BAIAP2L1: variants seen among roughly 807,000 people sequenced by gnomAD.
The protein encoded by BAIAP2L1 is BAR/IMD domain containing adaptor protein 2 like 1, also known as BAR/IMD domain-containing adapter protein 2-like 1.
Under a neutral mutation model 66.3 loss-of-function variants are expected in BAIAP2L1, and 35 were observed. The ratio of observed to expected loss-of-function variants is 0.53; its 90% CI spans 0.40 to 0.70. The LOEUF (loss-of-function observed/expected upper bound fraction) is 0.70. Ranked by LOEUF, BAIAP2L1 falls within the 30% of genes least tolerant of loss-of-function variation. The probability of loss-of-function intolerance (pLI) is 0.00; values close to 1 mark genes in which losing one functional copy is unlikely to be tolerated. For synonymous variants in BAIAP2L1, 269 were observed against 248.7 expected (o/e 1.08, Z -0.77); for missense variants, 622 against 656.9 (o/e 0.95, Z 0.58).
chr7:98,312,801 G>A (rs2116879783), intron 7 of BAIAP2L1, among the ~76,000 whole-genome samples: 1 of 152,296 alleles, frequency 6.6e-6, no homozygotes, highest in Non-Finnish European at 1.5e-5. Context: ...CCCACCACAG[G>A]CCAAACAAGG....
intron 1 of BAIAP2L1, among the ~76,000 whole-genome samples, chr7:98,394,303 T>C (rs186822439): frequency 1.6e-3 from 248 of 152,158 alleles, no homozygotes; most frequent in African/African-American, 5.5e-3. Flanking sequence ...CTTTCATGCA[T>C]GCAGTTATGA....
At position 98,373,332 on chromosome 7, in the gene BAIAP2L1, T is replaced by C. The variant is rs561972781; in HGVS notation, c.52-10900A>G. ...TAGATCAGAAATACTCATTGAAATA[T>C]ATAAACCCACAAAAATGCTTTTTGT... is the stretch of plus-strand genomic sequence containing the variant. On this transcript the variant is annotated intron_variant, in intron 1 of 13. Transcript: ENST00000005260. Among the ~76,000 whole-genome samples the C allele has an allele frequency of 3.3e-5, 5 of 152,362 alleles. No homozygotes were observed. In the South Asian group the frequency reaches 1.0e-3, roughly 32 times the overall value.
intron 12 of BAIAP2L1, among the ~76,000 whole-genome samples, chr7:98,299,259 T>TCCA (rs1800320504): frequency 6.6e-6 from 1 of 152,056 alleles, no homozygotes; most frequent in Non-Finnish European, 1.5e-5. Context: ...CATCAGGTGA[T>TCCA]CCACCTGCCT....
At chr7:98,387,218 C>T (rs1635613) in intron 1 of BAIAP2L1, among the ~76,000 whole-genome samples, 18,108 of 152,084 alleles carry the variant, frequency 0.12, 1,337 homozygotes, top group South Asian at 0.23. Context: ...AGAGGGGCTG[C>T]GGCTACTAGA....
chr7:98,296,808 C>T (rs912338788), intron 12 of BAIAP2L1, among the ~76,000 whole-genome samples: 2 of 152,220 alleles, frequency 1.3e-5, no homozygotes, highest in African/African-American at 4.8e-5. Context: ...CAAAGGAGAC[C>T]CACGAGGGCA....
At chr7:98,332,582 G>A (rs971616771) in intron 3 of BAIAP2L1, among the ~76,000 whole-genome samples, 1 of 151,152 alleles carries the variant, frequency 6.6e-6, no homozygotes, top group Admixed American at 6.6e-5. Context: ...GGCCAAGGCA[G>A]GCGAATCACA....
intron 1 of BAIAP2L1, among the ~76,000 whole-genome samples, chr7:98,398,447 T>A (rs1803270255): frequency 1.3e-5 from 2 of 151,448 alleles, no homozygotes; most frequent in Non-Finnish European, 2.9e-5. Context: ...TGTAGTCTGA[T>A]GCTGTAAATA....
chr7:98,351,447 C>T (rs985470877), intron 3 of BAIAP2L1, among the ~76,000 whole-genome samples: 3 of 152,156 alleles, frequency 2.0e-5, no homozygotes, highest in African/African-American at 7.2e-5. Flanking sequence ...TTGCTAGCAG[C>T]TGGGTCCTGG....
At chr7:98,382,164 C>T (rs1210918208) in intron 1 of BAIAP2L1, among the ~76,000 whole-genome samples, 3 of 152,006 alleles carry the variant, frequency 2.0e-5, no homozygotes, top group Admixed American at 6.6e-5. Flanking sequence ...CCTCGTGATC[C>T]GCCTGCCTCA....
At position 98,355,226 on chromosome 7, in the gene BAIAP2L1, G is replaced by C. The variant is rs537922021; in HGVS notation, c.128-98C>G. ...AAACACCCCCTGGTCCCTTCTGGCT[G>C]CAGGAAGGTTTGGGCTGTGGCAGGT... On this transcript the variant is annotated intron_variant, in intron 2 of 13. Transcript: ENST00000005260. 2,204 of 857,444 alleles carry C rather than the reference G, an allele frequency of 2.6e-3. 7 individuals carry two copies. The highest frequency in any genetic ancestry group is 6.9e-3 in the South Asian group (477 of 69,106). The allele number at this position is 857,444 out of a possible 1,614,324, so 53.1% of individuals were successfully genotyped here. A position where few individuals can be genotyped will look rare whatever the true frequency, so the allele number is the denominator to read the frequency against.
chr7:98,319,165 C>G (rs1356455813), intron 5 of BAIAP2L1, among the ~76,000 whole-genome samples: 1 of 152,032 alleles, frequency 6.6e-6, no homozygotes, highest in Non-Finnish European at 1.5e-5. Flanking sequence ...ACATGGGGGT[C>G]TGGGTGAGCA....
chr7:98,340,080 CTG>C (rs1801705378), intron 3 of BAIAP2L1, among the ~76,000 whole-genome samples: 1 of 152,112 alleles, frequency 6.6e-6, no homozygotes, highest in South Asian at 2.1e-4. Flanking sequence ...ATTTGAGTAA[CTG>C]TGAAAACTGG....
chr7:98,293,595 C>T lies in BAIAP2L1; in HGVS notation c.1462G>A (p.Gly488Arg), dbSNP rs748855987. The T allele has an allele frequency of 9.0e-5, 145 of 1,613,338 alleles. No homozygotes were observed. Among genetic ancestry groups the T allele is most frequent in the Non-Finnish European group, 1.1e-4 (132 of 1,179,382 alleles). The change falls in exon 14 of 14, where the codon GGA becomes AGA. Residue 488 changes from glycine (G) to arginine (R), a missense_variant and splice_region_variant. By Grantham distance (125) the Gly-to-Arg change is moderately radical. Transcript: ENST00000005260. ...TTCACAGTGGCAAAGGGGTTTTCTC[C>T]GCTGCAGGGGATAAGAAAAATCTTT... ...NGTAKPPFLS[G>R]ENPFATVKLR...
chr7:98,392,947 C>T (rs1016037232), intron 1 of BAIAP2L1, among the ~76,000 whole-genome samples: 12 of 138,184 alleles, frequency 8.7e-5, no homozygotes, highest in Non-Finnish European at 1.9e-4. Flanking sequence ...CACCCGCCAC[C>T]ACGCCCAGCT....
chr7:98,386,813 C>A (rs992526791), intron 1 of BAIAP2L1, among the ~76,000 whole-genome samples: 2 of 150,454 alleles, frequency 1.3e-5, no homozygotes, highest in African/African-American at 4.9e-5. Context: ...GATTCTCCTG[C>A]CTCAGCCTCC....
At chr7:98,363,475 G>C (rs1802319863) in intron 1 of BAIAP2L1, among the ~76,000 whole-genome samples, 1 of 152,126 alleles carries the variant, frequency 6.6e-6, no homozygotes, top group Non-Finnish European at 1.5e-5. Flanking sequence ...CAGTGTCCAG[G>C]TTTCATTTCA....
intron 3 of BAIAP2L1, among the ~76,000 whole-genome samples, chr7:98,341,614 G>A (rs1459682393): frequency 2.0e-5 from 3 of 152,130 alleles, no homozygotes; most frequent in Non-Finnish European, 4.4e-5. Flanking sequence ...GTAGCCTGGG[G>A]TCCAATGAAC....
chr7:98,386,699 T>TTG lies in BAIAP2L1; in HGVS notation c.51+14102_51+14103insCA, dbSNP rs1379444717. On this transcript the variant is annotated intron_variant, in intron 1 of 13. Transcript: ENST00000005260. ...TATATTCAACTTTCCAAAGGTTTTT[T>TTG]TTTTTTTTTTTTTTTTTTGGTGACA... 9 of 683,074 alleles carry TTG rather than the reference T, an allele frequency of 1.3e-5. No individual in the cohort carries two copies. In the African/African-American group the frequency reaches 1.8e-4, roughly 14 times the overall value. 42.3% of individuals were successfully genotyped at this position (683,074 alleles called of 1,614,324 possible). A position where few individuals can be genotyped will look rare whatever the true frequency, so the allele number is the denominator to read the frequency against.
chr7:98,399,035 T>A (rs1416904506), intron 1 of BAIAP2L1, among the ~76,000 whole-genome samples: 1 of 152,188 alleles, frequency 6.6e-6, no homozygotes, highest in African/African-American at 2.4e-5. Context: ...ACTTTCCAGG[T>A]CTGAGTCTGG....
Sources: allele counts gnomAD v4.1 joint callset (sites outside exome capture counted in the v4.1 genomes callset), GRCh38; gene constraint gnomAD v4.1.1; transcripts MANE v1.5; gene names NCBI Gene and HGNC (gene_info 2026-07-23, HGNC 2026-07-21).